HIP1: variants seen among roughly 807,000 people sequenced by gnomAD.
HIP1 encodes huntingtin-interacting protein 1.
HIP1 carries 65 observed loss-of-function variants against 147.6 expected under a neutral mutation model. The ratio of observed to expected loss-of-function variants is 0.44; its 90% CI spans 0.36 to 0.54. The LOEUF (loss-of-function observed/expected upper bound fraction) is 0.54. Among genes scored for constraint, HIP1 ranks in the 20% least tolerant of loss-of-function variants. The pLI is 0.00. For synonymous variants in HIP1, 479 were observed against 504.0 expected, an observed-to-expected ratio of 0.95 and a Z score of 0.67; for missense variants, 1,061 against 1,299.6, an observed-to-expected ratio of 0.82 and a Z score of 2.82.
intron 16 of HIP1, among the ~76,000 whole-genome samples, chr7:75,557,143 A>C (rs1236811749): frequency 1.3e-5 from 2 of 151,818 alleles, no homozygotes; most frequent in Admixed American, 6.6e-5. Context: ...GGTTCAAGAG[A>C]TTCTTGTGCC....
At chr7:75,610,057 C>T (rs1797374548) in intron 1 of HIP1, among the ~76,000 whole-genome samples, 1 of 151,966 alleles carries the variant, frequency 6.6e-6, no homozygotes, top group South Asian at 2.1e-4. Flanking sequence ...CCCACACCAC[C>T]ACACCTGGCT....
chr7:75,540,532 GC>G (rs1260173768), intron 29 of HIP1, among the ~76,000 whole-genome samples: 2 of 151,962 alleles, frequency 1.3e-5, no homozygotes, highest in South Asian at 2.1e-4. Flanking sequence ...ATCCGCCTGA[GC>G]CCAGGAGTTT....
At chr7:75,557,555 G>T (rs1162962396) in intron 16 of HIP1, 99 bp downstream of exon 16, 3 of 851,890 alleles carry the variant, frequency 3.5e-6, no homozygotes, top group South Asian at 1.4e-5. Flanking sequence ...GATGCCAACC[G>T]ACCCACAGAA....
intron 29 of HIP1, among the ~76,000 whole-genome samples, chr7:75,540,256 C>T (rs368492038): frequency 2.6e-5 from 4 of 151,856 alleles, no homozygotes; most frequent in African/African-American, 7.3e-5. Context: ...GATGAAACCC[C>T]GTCTCTACTA....
intron 1 of HIP1, among the ~76,000 whole-genome samples, chr7:75,682,118 C>T (rs971618500): frequency 6.8e-6 from 1 of 145,994 alleles, no homozygotes; most frequent in Non-Finnish European, 1.5e-5. Context: ...ACCACCACAC[C>T]CAGCTAATTT....
At chr7:75,611,702 A>G in intron 1 of HIP1, 1 of 1,029,756 alleles carries the variant, frequency 9.7e-7, no homozygotes, top group Admixed American at 5.8e-5. Flanking sequence ...ACATCATCTG[A>G]GAACAGGCTG....
intron 5 of HIP1, among the ~76,000 whole-genome samples, chr7:75,583,680 C>G (rs1554499016): frequency 6.6e-6 from 1 of 151,478 alleles, no homozygotes. Context: ...GCCTCGAATT[C>G]CTGGGCTCAA....
At position 75,712,128 on chromosome 7, in the gene HIP1, G is replaced by A. The variant is rs577503836; in HGVS notation, c.120+26673C>T. ...AAACATTGACACCTCACCGTCGCTC[G>A]GCTCCCTGCAGCCCCACAGAAAACC... On this transcript the variant is annotated intron_variant, in intron 1 of 30. Transcript: ENST00000336926. Among the ~76,000 whole-genome samples the A allele has an allele frequency of 7.9e-5, 12 of 152,224 alleles. 1 individual carries two copies. The highest frequency in any genetic ancestry group is 2.2e-4 in the African/African-American group (9 of 41,538).
chr7:75,665,705 TA>T, intron 1 of HIP1, among the ~76,000 whole-genome samples: 1 of 152,188 alleles, frequency 6.6e-6, no homozygotes, highest in African/African-American at 2.4e-5. Context: ...CATGCCTGGC[TA>T]ATTTTTGTAT....
At chr7:75,631,532 C>G (rs1798220980) in intron 1 of HIP1, among the ~76,000 whole-genome samples, 1 of 152,098 alleles carries the variant, frequency 6.6e-6, no homozygotes, top group Admixed American at 6.6e-5. Flanking sequence ...GCTGGGATCC[C>G]ACTCACTCAA....
At chr7:75,662,670 T>C (rs1294148300) in intron 1 of HIP1, among the ~76,000 whole-genome samples, 1 of 152,050 alleles carries the variant, frequency 6.6e-6, no homozygotes, top group African/African-American at 2.4e-5. Context: ...CATGCCTGGC[T>C]AATTTCTGTA....
intron 1 of HIP1, among the ~76,000 whole-genome samples, chr7:75,705,071 G>T (rs556273803): frequency 6.6e-6 from 1 of 152,288 alleles, no homozygotes; most frequent in East Asian, 1.9e-4. Flanking sequence ...ACAGTTCACT[G>T]GCACTGAGAA....
intron 1 of HIP1, among the ~76,000 whole-genome samples, chr7:75,678,272 A>G (rs888278773): frequency 6.6e-6 from 1 of 151,936 alleles, no homozygotes; most frequent in Non-Finnish European, 1.5e-5. Flanking sequence ...CCTTGTTGCA[A>G]ATTAGCAAGA....
rs1204768539 is a variant in HIP1 at position 75,536,648 on chromosome 7, C to G, written c.*1524G>C. On this transcript the variant is annotated 3_prime_UTR_variant, in exon 31 of 31. Coordinates refer to ENST00000336926, the MANE Select transcript of HIP1 (RefSeq NM_005338.7). ...TCCACAGGGCAGCGAGAGCCTGGGG[C>G]ATGTGGCTGAAAGGAGTTGGAGCCG... 3 of 229,670 alleles carry G rather than the reference C, an allele frequency of 1.3e-5. No individual in the cohort carries two copies. Among genetic ancestry groups the G allele is most frequent in the African/African-American group, 6.6e-5 (3 of 45,130 alleles). 14.2% of individuals were successfully genotyped at this position (229,670 alleles called of 1,614,324 possible).
intron 1 of HIP1, among the ~76,000 whole-genome samples, chr7:75,623,210 CAAAAAA>C (rs34787591): frequency 3.6e-5 from 3 of 83,024 alleles, no homozygotes; most frequent in East Asian, 9.4e-4. Flanking sequence ...AAAAAAAAAG[CAAAAAA>C]AAAAAAAAAA....
rs1218760350 is a variant in HIP1 at position 75,639,210 on chromosome 7, C to T, written c.121-39963G>A. ...CGCGGACCGGGGCAGGCGGCGGCGG[C>T]GGCGGCGGCACCAAGGCTGGACCGG... On this transcript the variant is annotated intron_variant, in intron 1 of 30. Coordinates refer to ENST00000336926, the MANE Select transcript of HIP1 (RefSeq NM_005338.7). 114 of 978,096 alleles carry T rather than the reference C, an allele frequency of 1.2e-4. No homozygotes were observed. In the South Asian group the frequency reaches 2.1e-3, roughly 18 times the overall value. The allele number at this position is 978,096 out of a possible 1,614,324, so 60.6% of individuals were successfully genotyped here. A position where few individuals can be genotyped will look rare whatever the true frequency, so the allele number is the denominator to read the frequency against.
In HIP1 at chr7:75,537,057, C is replaced by T. The variant is rs372251681; in HGVS notation, c.*1115G>A. 90 of 232,656 alleles carry T rather than the reference C, an allele frequency of 3.9e-4. No individual in the cohort carries two copies. Among genetic ancestry groups the T allele is most frequent in the East Asian group, 3.7e-3 (61 of 16,502 alleles). 14.4% of individuals were successfully genotyped at this position (232,656 alleles called of 1,614,324 possible). The stretch of plus-strand genomic sequence containing the variant: ...AAAGGAGTTGGGAATCACTCCCACA[C>T]TCCGTCTCTGGGCCAAGGGAGACGG... On this transcript the variant is annotated 3_prime_UTR_variant, in exon 31 of 31. Coordinates refer to ENST00000336926, the MANE Select transcript of HIP1 (RefSeq NM_005338.7).
At chr7:75,711,154 G>T (rs1801157019) in intron 1 of HIP1, among the ~76,000 whole-genome samples, 1 of 152,160 alleles carries the variant, frequency 6.6e-6, no homozygotes, top group African/African-American at 2.4e-5. Context: ...GTGTTATCAG[G>T]ATATTCCCTG....
intron 1 of HIP1, among the ~76,000 whole-genome samples, chr7:75,677,562 G>A (rs982772039): frequency 1.4e-5 from 2 of 141,682 alleles, no homozygotes; most frequent in South Asian, 2.2e-4. Flanking sequence ...CCGAGATCGC[G>A]CCACTGTGTT....
Sources: allele counts gnomAD v4.1 joint callset (sites outside exome capture counted in the v4.1 genomes callset), GRCh38; gene constraint gnomAD v4.1.1; transcripts MANE v1.5; gene names NCBI Gene and HGNC (gene_info 2026-07-23, HGNC 2026-07-21).